The following GRM1 variants were observed in gnomAD, a reference collection of about 807,000 sequenced individuals.
The protein encoded by GRM1 is metabotropic glutamate receptor 1.
In GRM1, 33 loss-of-function variants were observed where a neutral mutation model predicts 90.9. That is an observed-to-expected ratio of 0.36 (90% CI 0.28 to 0.49). The LOEUF is 0.49. Ranked by LOEUF, GRM1 falls within the 20% of genes least tolerant of loss-of-function variation. The pLI is 0.99. For synonymous variants in GRM1, 700 were observed against 613.2 expected, an observed-to-expected ratio of 1.14 and a Z score of -2.09; for missense variants, 1,190 against 1,534.3, an observed-to-expected ratio of 0.78 and a Z score of 3.75.
At chr6:146,191,338 T>G (rs1269359322) in intron 2 of GRM1, among the ~76,000 whole-genome samples, 1 of 152,180 alleles carries the variant, frequency 6.6e-6, no homozygotes, top group Non-Finnish European at 1.5e-5. Flanking sequence ...TCCTGCACAT[T>G]TGGCATAGTG....
chr6:146,140,121 C>CTTTCTTTCTT (rs1554272198), intron 1 of GRM1, among the ~76,000 whole-genome samples: 6 of 119,624 alleles, frequency 5.0e-5, no homozygotes, highest in Non-Finnish European at 1.0e-4. Context: ...TTCTTTCTTT[C>CTTTCTTTCTT]TTTCTTTCTT....
chr6:146,194,962 T>C (rs897809117), intron 2 of GRM1, among the ~76,000 whole-genome samples: 1 of 152,192 alleles, frequency 6.6e-6, no homozygotes, highest in African/African-American at 2.4e-5. Flanking sequence ...TATTACATCA[T>C]TGTTGTAAAG....
At chr6:146,283,016 A>G (rs918777570) in intron 2 of GRM1, among the ~76,000 whole-genome samples, 4 of 152,206 alleles carry the variant, frequency 2.6e-5, no homozygotes, top group Admixed American at 2.6e-4. Context: ...TATTTTGTAC[A>G]GTTGGTCTTG....
intron 2 of GRM1, 83 bp downstream of exon 2, chr6:146,159,680 T>C (rs1583089580): frequency 7.1e-7 from 1 of 1,402,628 alleles, no homozygotes; most frequent in Non-Finnish European, 9.8e-7. Flanking sequence ...GAAACACATA[T>C]GCTTGCTTTC....
intron 7 of GRM1, among the ~76,000 whole-genome samples, chr6:146,404,561 GT>G (rs1297002992): frequency 1.3e-5 from 2 of 152,120 alleles, no homozygotes; most frequent in Non-Finnish European, 2.9e-5. Flanking sequence ...CATAAAGCAT[GT>G]TTTTCAACTG....
Position 146,257,637 on chromosome 6 carries a change from A to G in GRM1, c.951-46974A>G, listed in dbSNP as rs144028265. On this transcript the variant is annotated intron_variant, in intron 2 of 7. Transcript: ENST00000282753. ...GAAGTTCCATGTTCCGCTATCTACGAGCTGGATACCCAAGAAAGCTGGCAG... is the reference window on the plus strand; with the variant it reads ...GAAGTTCCATGTTCCGCTATCTACGGGCTGGATACCCAAGAAAGCTGGCAG... Among the ~76,000 whole-genome samples, 696 of 152,278 alleles carry G rather than the reference A, an allele frequency of 4.6e-3. 5 individuals are homozygous for G. The highest frequency in any genetic ancestry group is 0.017 in the Middle Eastern group (5 of 294).
chr6:146,437,182 T>A lies in GRM1; in HGVS notation c.*2386T>A, dbSNP rs1005288287. 3 of 152,174 alleles carry A rather than the reference T, an allele frequency of 2.0e-5. No individual in the cohort carries two copies. Among genetic ancestry groups the A allele is most frequent in the African/African-American group, 7.2e-5 (3 of 41,450 alleles). 9.4% of individuals were successfully genotyped at this position (152,174 alleles called of 1,614,324 possible). A position where few individuals can be genotyped will look rare whatever the true frequency, so the allele number is the denominator to read the frequency against. On this transcript the variant is annotated 3_prime_UTR_variant, in exon 8 of 8. Coordinates refer to ENST00000282753, the MANE Select transcript of GRM1 (RefSeq NM_001278064.2). ...TTAGTGAATCATGCTTATTTTTTACTCTTAATGCCACTAATATACATCCCT... is the reference window on the plus strand; with the variant it reads ...TTAGTGAATCATGCTTATTTTTTACACTTAATGCCACTAATATACATCCCT...
chr6:146,038,330 T>C (rs1296760641), intron 1 of GRM1, among the ~76,000 whole-genome samples: 3 of 151,828 alleles, frequency 2.0e-5, no homozygotes, highest in Non-Finnish European at 4.4e-5. Flanking sequence ...AATCCAGAGA[T>C]CTGGAATAGG....
intron 5 of GRM1, among the ~76,000 whole-genome samples, chr6:146,362,548 A>G (rs7772745): frequency 0.2 from 29,538 of 150,612 alleles, 3,758 homozygotes; most frequent in African/African-American, 0.37. Context: ...GTGTGGTGGC[A>G]GGCGCCTGTA....
chr6:146,424,449 C>G lies in GRM1; in HGVS notation c.2661-9423C>G, dbSNP rs553904328. 1.2e-4 allele frequency among the ~76,000 whole-genome samples: 18 copies of G among 152,310 alleles called. No homozygotes were observed. The South Asian group carries it at 3.5e-3, about 30-fold the overall frequency. Reference sequence around the variant, plus strand: ...AGAGTCCGAAAATCCCAAAGCCTGTCCAGAAAGGCAGGGAGGCTGCAAGAT... The same window carrying G: ...AGAGTCCGAAAATCCCAAAGCCTGTGCAGAAAGGCAGGGAGGCTGCAAGAT... On this transcript the variant is annotated intron_variant, in intron 7 of 7. Coordinates refer to ENST00000282753, the MANE Select transcript of GRM1 (RefSeq NM_001278064.2).
chr6:146,355,090 G>A (rs550273217), intron 4 of GRM1, among the ~76,000 whole-genome samples: 21 of 152,326 alleles, frequency 1.4e-4, no homozygotes, highest in African/African-American at 4.6e-4. Flanking sequence ...TCTAGAGCCA[G>A]CATTGCAGCA....
intron 2 of GRM1, among the ~76,000 whole-genome samples, chr6:146,284,759 G>A (rs1365288011): frequency 6.6e-6 from 1 of 152,162 alleles, no homozygotes; most frequent in Non-Finnish European, 1.5e-5. Flanking sequence ...ATGATGGTAA[G>A]TTTTCTGAGG....
At chr6:146,316,517 C>A (rs1309743078) in intron 3 of GRM1, among the ~76,000 whole-genome samples, 1 of 152,238 alleles carries the variant, frequency 6.6e-6, no homozygotes, top group Non-Finnish European at 1.5e-5. Context: ...CTCTCTAAGT[C>A]CCTACCGGCT....
At position 146,399,797 on chromosome 6, in the gene GRM1, T is replaced by G. The variant is rs1777094018; in HGVS notation, c.2660+98T>G. The G allele has an allele frequency of 2.4e-6, 2 of 827,968 alleles. No homozygotes were observed. The highest frequency in any genetic ancestry group is 4.0e-5 in the Admixed American group (2 of 49,620). 51.3% of individuals were successfully genotyped at this position (827,968 alleles called of 1,614,324 possible). The stretch of plus-strand genomic sequence containing the variant: ...TCTTTCTCTGTCTCTCATATCTTCC[T>G]CTAGTTTTCTGAGTTGTCTCTTCCA... On this transcript the variant is annotated intron_variant, in intron 7 of 7. Transcript: ENST00000282753. This position sits in a 1 kb window ranked among gnomAD's most constrained non-coding sequence, Gnocchi z 5.4.
intron 1 of GRM1, among the ~76,000 whole-genome samples, chr6:146,135,165 A>G (rs1033951065): frequency 2.6e-5 from 4 of 152,164 alleles, no homozygotes; most frequent in African/African-American, 9.7e-5. Context: ...GGTGGTTACT[A>G]TTATGGCCAT....
At chr6:146,218,101 C>A (rs1293319719) in intron 2 of GRM1, among the ~76,000 whole-genome samples, 1 of 151,966 alleles carries the variant, frequency 6.6e-6, no homozygotes, top group East Asian at 1.9e-4. Flanking sequence ...GGTCTCCCAG[C>A]CTGTGTGTGG....
chr6:146,044,405 C>T (rs1166854620), intron 1 of GRM1, among the ~76,000 whole-genome samples: 1 of 151,948 alleles, frequency 6.6e-6, no homozygotes, highest in Non-Finnish European at 1.5e-5. Flanking sequence ...TGTAGTCTGG[C>T]AGCCAGTTTT....
chr6:146,049,946 G>T (rs1360224137), intron 1 of GRM1, among the ~76,000 whole-genome samples: 4 of 151,832 alleles, frequency 2.6e-5, no homozygotes, highest in African/African-American at 9.7e-5. Flanking sequence ...CAGACGCAGG[G>T]TTCAAACCCA....
At chr6:146,272,188 C>T (rs1372255878) in intron 2 of GRM1, among the ~76,000 whole-genome samples, 1 of 152,086 alleles carries the variant, frequency 6.6e-6, no homozygotes, top group Admixed American at 6.5e-5. Context: ...GCCCATTTTG[C>T]CAAAAATATA....
Sources: allele counts gnomAD v4.1 joint callset (sites outside exome capture counted in the v4.1 genomes callset), GRCh38; gene constraint gnomAD v4.1.1; non-coding constraint Gnocchi (gnomAD v3.1); transcripts MANE v1.5; gene names NCBI Gene and HGNC (gene_info 2026-07-23, HGNC 2026-07-21).